The following COX7A2 variants were observed in gnomAD, a reference collection of about 807,000 sequenced individuals.
COX7A2 encodes cytochrome c oxidase subunit 7A2.
Under a neutral mutation model 11.6 loss-of-function variants are expected in COX7A2, and 11 were observed. The observed-to-expected ratio is 0.95, with a 90% CI of 0.60 to 1.57. The LOEUF (loss-of-function observed/expected upper bound fraction) is 1.57. Among genes scored for constraint, COX7A2 ranks in the 40% most tolerant of loss-of-function variants. The pLI, the probability that COX7A2 is intolerant of heterozygous loss-of-function variation, is 0.00. For synonymous variants in COX7A2, 30 were observed against 38.2 expected (o/e 0.78, Z 0.79); for missense variants, 106 against 100.9 (o/e 1.05, Z -0.22).
At chr6:75,248,081 C>CTTTTTTT (rs905344722), upstream of COX7A2, among the ~76,000 whole-genome samples, 12 of 10,676 alleles carry the variant, frequency 1.1e-3, 2 homozygotes, top group African/African-American at 1.5e-3. Context: ...CATCCTTTAT[C>CTTTTTTT]TTTTTTTTTT....
chr6:75,241,305 G>T, intron 1 of COX7A2, 40 bp from the exon 2 acceptor site: 1 of 1,455,488 alleles, frequency 6.9e-7, no homozygotes, highest in Non-Finnish European at 9.2e-7. Context: ...AGAGCCTAAA[G>T]AAACCTTCAA....
At chr6:75,243,854 C>A (rs376865645), upstream of COX7A2, 33 of 1,606,274 alleles carry the variant, frequency 2.1e-5, no homozygotes, top group African/African-American at 4.1e-4. Flanking sequence ...TCTTTCCGGG[C>A]CGAAGAGAGG....
chr6:75,238,873 T>C (rs1382242377), intron 3 of COX7A2, among the ~76,000 whole-genome samples: 1 of 151,840 alleles, frequency 6.6e-6, no homozygotes, highest in Non-Finnish European at 1.5e-5. Flanking sequence ...TGGAGTGCAG[T>C]GACACAATCT....
At chr6:75,241,337 C>A in intron 1 of COX7A2, 72 bp from the exon 2 acceptor site, 2 of 1,303,900 alleles carry the variant, frequency 1.5e-6, no homozygotes, top group South Asian at 2.1e-5. Flanking sequence ...TTCAGTCGTT[C>A]ATATTATAGA....
upstream of COX7A2, chr6:75,243,815 A>G: frequency 6.2e-7 from 1 of 1,614,036 alleles, no homozygotes; most frequent in South Asian, 1.1e-5. Context: ...ACTACCTCCG[A>G]GTCTTGCGTA....
chr6:75,239,153 A>G (rs1224527682), intron 3 of COX7A2, among the ~76,000 whole-genome samples: 1 of 152,178 alleles, frequency 6.6e-6, no homozygotes, highest in Admixed American at 6.5e-5. Context: ...TGTTTCCCCA[A>G]CGAGGAGATT....
upstream of COX7A2, among the ~76,000 whole-genome samples, chr6:75,246,764 C>T (rs1487673060): frequency 2.0e-5 from 3 of 152,222 alleles, no homozygotes; most frequent in Non-Finnish European, 4.4e-5. Flanking sequence ...CAGGGTTCCT[C>T]ATTCATTATC....
chr6:75,246,470 C>T (rs1433369104), upstream of COX7A2, among the ~76,000 whole-genome samples: 2 of 152,162 alleles, frequency 1.3e-5, no homozygotes, highest in Admixed American at 1.3e-4. Context: ...CAGATTATGT[C>T]AAAAGCCTTT....
At chr6:75,246,335 C>T (rs990673663), upstream of COX7A2, among the ~76,000 whole-genome samples, 1 of 152,194 alleles carries the variant, frequency 6.6e-6, no homozygotes, top group African/African-American at 2.4e-5. Flanking sequence ...TTCTATCATA[C>T]TCTATAAACC....
upstream of COX7A2, among the ~76,000 whole-genome samples, chr6:75,245,687 C>T (rs896924641): frequency 1.3e-5 from 2 of 152,128 alleles, no homozygotes; most frequent in African/African-American, 4.8e-5. Flanking sequence ...ACTTGTCTCT[C>T]CTTCTCCTCC....
upstream of COX7A2, among the ~76,000 whole-genome samples, chr6:75,248,575 C>G (rs1224414938): frequency 6.6e-6 from 1 of 152,202 alleles, no homozygotes; most frequent in Non-Finnish European, 1.5e-5. Context: ...TGTCTCATGC[C>G]TCCCAAAAAT....
intron 3 of COX7A2, among the ~76,000 whole-genome samples, chr6:75,238,861 G>A (rs930940019): frequency 2.0e-5 from 3 of 151,486 alleles, no homozygotes; most frequent in African/African-American, 7.3e-5. Flanking sequence ...TGTCGCCCAG[G>A]CTGGAGTGCA....
intron 3 of COX7A2, among the ~76,000 whole-genome samples, chr6:75,239,639 T>G (rs1301797524): frequency 6.6e-6 from 1 of 152,238 alleles, no homozygotes; most frequent in Non-Finnish European, 1.5e-5. Flanking sequence ...AGATGTAAAG[T>G]GTGCTTTTAT....
upstream of COX7A2, among the ~76,000 whole-genome samples, chr6:75,248,081 C>CTTTTTTTTTTTTTT (rs905344722): frequency 7.5e-4 from 8 of 10,676 alleles, 1 homozygote; most frequent in African/African-American, 2.4e-3. Flanking sequence ...CATCCTTTAT[C>CTTTTTTTTTTTTTT]TTTTTTTTTT....
chr6:75,247,216 C>T (rs1448101453), upstream of COX7A2, among the ~76,000 whole-genome samples: 2 of 150,910 alleles, frequency 1.3e-5, no homozygotes, highest in African/African-American at 4.9e-5. Context: ...TCTTTTTTTT[C>T]CTTTTTTTCC....
At chr6:75,242,335 G>A (rs552278522) in intron 1 of COX7A2, among the ~76,000 whole-genome samples, 8 of 151,906 alleles carry the variant, frequency 5.3e-5, no homozygotes, top group Non-Finnish European at 7.4e-5. Flanking sequence ...GCGAAACCCC[G>A]TCTCTACTAG....
chr6:75,246,577 C>T (rs377549805), upstream of COX7A2, among the ~76,000 whole-genome samples: 13 of 152,256 alleles, frequency 8.5e-5, no homozygotes, highest in African/African-American at 3.1e-4. Flanking sequence ...GCTCTAAACT[C>T]GGTTGTGTTT....
chr6:75,241,306 A>C, intron 1 of COX7A2, 41 bp from the exon 2 acceptor site: 1 of 1,423,616 alleles, frequency 7.0e-7, no homozygotes, highest in Non-Finnish European at 9.4e-7. Context: ...GAGCCTAAAG[A>C]AACCTTCAAA....
At chr6:75,250,068 G>A (rs1771756664) in exon 1 of COX7A2, 1 of 152,198 alleles carries the variant, frequency 6.6e-6, no homozygotes, top group African/African-American at 2.4e-5. Context: ...CAAGGTGGTT[G>A]GCTATACCAT....
Sources: gnomAD v4.1 joint callset for allele counts (sites outside exome capture counted in the v4.1 genomes callset) on GRCh38, gnomAD v4.1.1 for gene constraint, MANE v1.5 for transcripts, NCBI Gene and HGNC (gene_info 2026-07-23, HGNC 2026-07-21) for gene names.